RAB11FIP4: variants seen among roughly 807,000 people sequenced by gnomAD.
The protein encoded by RAB11FIP4 is rab11 family-interacting protein 4.
In RAB11FIP4, 23 loss-of-function variants were observed where a neutral mutation model predicts 74.3. The observed-to-expected ratio is 0.31, with a 90% confidence interval of 0.22 to 0.44. RAB11FIP4 has a LOEUF of 0.44. RAB11FIP4 is among the 20% of genes least tolerant of loss of function. The pLI, the probability that RAB11FIP4 is intolerant of heterozygous loss-of-function variation, is 1.00. For synonymous variants in RAB11FIP4, 360 were observed against 359.9 expected, an observed-to-expected ratio of 1.00 and a Z score of 0.00; for missense variants, 630 against 863.9, an observed-to-expected ratio of 0.73 and a Z score of 3.39.
intron 3 of RAB11FIP4, among the ~76,000 whole-genome samples, chr17:31,505,591 A>G (rs1183513743): frequency 4.1e-5 from 3 of 72,766 alleles, no homozygotes; most frequent in African/African-American, 1.6e-4. Context: ...AATAATAATT[A>G]TATATTATAT....
At chr17:31,446,013 TTTTC>T (rs980011649) in intron 3 of RAB11FIP4, among the ~76,000 whole-genome samples, 6 of 151,812 alleles carry the variant, frequency 4.0e-5, no homozygotes, top group South Asian at 2.1e-4. Context: ...TTTTTTTTTC[TTTTC>T]TTTCTTTCTA....
In RAB11FIP4 at chr17:31,533,280, G is replaced by C. The variant is rs1192755945; in HGVS notation, c.*1548G>C. 1.3e-5 allele frequency: 2 copies of C among 152,380 alleles called. No individual in the cohort carries two copies. The highest frequency in any genetic ancestry group is 3.9e-4 in the East Asian group (2 of 5,180). 9.4% of individuals were successfully genotyped at this position (152,380 alleles called of 1,614,324 possible). ...TCAGCCTTTGCATTTGTTGGATCTC[G>C]TGGCTTCTTTTTAATCTTTTGTTGG... On this transcript the variant is annotated 3_prime_UTR_variant, in exon 15 of 15. Transcript: ENST00000621161.
chr17:31,524,847 C>T (rs1021705399), intron 9 of RAB11FIP4: 15 of 587,206 alleles, frequency 2.6e-5, no homozygotes, highest in Non-Finnish European at 4.5e-5. Context: ...GCGGTCCCTC[C>T]CTGTGCTGCC....
chr17:31,466,021 TA>T (rs35196811), intron 3 of RAB11FIP4, among the ~76,000 whole-genome samples: 85,979 of 149,516 alleles, frequency 0.58, 25,544 homozygotes, highest in Non-Finnish European at 0.65. Flanking sequence ...CACGCGCCTG[TA>T]AGTCCCAGCT....
intron 3 of RAB11FIP4, among the ~76,000 whole-genome samples, chr17:31,468,707 G>A (rs946520589): frequency 6.6e-6 from 1 of 152,120 alleles, no homozygotes; most frequent in Non-Finnish European, 1.5e-5. Flanking sequence ...GTGGGCACCT[G>A]TAATCCCAGC....
chr17:31,492,817 C>G (rs958430870), intron 3 of RAB11FIP4, among the ~76,000 whole-genome samples: 1 of 151,860 alleles, frequency 6.6e-6, no homozygotes. Flanking sequence ...AGAGGGGTCC[C>G]GAGCGTCTTG....
At position 31,517,525 on chromosome 17, in the gene RAB11FIP4, G is replaced by A. The variant is rs1327533717; in HGVS notation, c.337-126G>A. ...CCAGGTGTTCCCACGCTTAGGGTTCGGGATCTGGGCCTCCTGTACCCAATC... is the reference window on the plus strand; with the variant it reads ...CCAGGTGTTCCCACGCTTAGGGTTCAGGATCTGGGCCTCCTGTACCCAATC... On this transcript the variant is annotated intron_variant, in intron 3 of 14. Coordinates refer to ENST00000621161, the MANE Select transcript of RAB11FIP4 (RefSeq NM_032932.6). 6 of 842,940 alleles carry A rather than the reference G, an allele frequency of 7.1e-6. No individual in the cohort carries two copies. In the Admixed American group the frequency reaches 9.2e-5, roughly 13 times the overall value. The allele number at this position is 842,940 out of a possible 1,614,324, so 52.2% of individuals were successfully genotyped here.
chr17:31,449,418 T>C (rs2071502814), intron 3 of RAB11FIP4, among the ~76,000 whole-genome samples: 1 of 152,194 alleles, frequency 6.6e-6, no homozygotes, highest in South Asian at 2.1e-4. Flanking sequence ...ATCCTGGCTT[T>C]CTTTCCTTTG....
intron 3 of RAB11FIP4, among the ~76,000 whole-genome samples, chr17:31,491,263 C>G (rs143868264): frequency 6.6e-6 from 1 of 152,224 alleles, no homozygotes; most frequent in Non-Finnish European, 1.5e-5. Context: ...GCACATTTCC[C>G]AGTACAGGGC....
At chr17:31,461,740 C>A (rs1340082872) in intron 3 of RAB11FIP4, among the ~76,000 whole-genome samples, 1 of 148,730 alleles carries the variant, frequency 6.7e-6, no homozygotes, top group African/African-American at 2.5e-5. Flanking sequence ...TTTTTTGAGA[C>A]AAGGTCTTGC....
At chr17:31,424,530 C>G (rs2071228158) in intron 1 of RAB11FIP4, among the ~76,000 whole-genome samples, 1 of 151,822 alleles carries the variant, frequency 6.6e-6, no homozygotes, top group Admixed American at 6.6e-5. Context: ...CTGCCTCAGC[C>G]TCCCCAGTAG....
intron 3 of RAB11FIP4, among the ~76,000 whole-genome samples, chr17:31,457,477 A>G (rs1377445806): frequency 6.6e-6 from 1 of 151,932 alleles, no homozygotes; most frequent in East Asian, 1.9e-4. Flanking sequence ...GGGAAGCACT[A>G]TCCATTCCCT....
At chr17:31,443,596 C>T (rs1173599562) in intron 3 of RAB11FIP4, among the ~76,000 whole-genome samples, 2 of 149,068 alleles carry the variant, frequency 1.3e-5, no homozygotes, top group South Asian at 2.2e-4. Context: ...TGCTTACGCA[C>T]GCAGTCCCCT....
chr17:31,446,719 G>A (rs1217289781), intron 3 of RAB11FIP4, among the ~76,000 whole-genome samples: 1 of 152,146 alleles, frequency 6.6e-6, no homozygotes, highest in African/African-American at 2.4e-5. Context: ...AGATACACTG[G>A]ACGGTGCTTC....
chr17:31,472,705 A>C (rs1453633723), intron 3 of RAB11FIP4, among the ~76,000 whole-genome samples: 1 of 152,150 alleles, frequency 6.6e-6, no homozygotes, highest in African/African-American at 2.4e-5. Flanking sequence ...AGAGGGCCTC[A>C]TGCAGGAGGT....
At chr17:31,471,400 T>C (rs1451941030) in intron 3 of RAB11FIP4, among the ~76,000 whole-genome samples, 1 of 152,036 alleles carries the variant, frequency 6.6e-6, no homozygotes, top group Admixed American at 6.6e-5. Context: ...AGGATTATAA[T>C]ATTTGGTCAC....
At chr17:31,501,238 T>A (rs2072214889) in intron 3 of RAB11FIP4, among the ~76,000 whole-genome samples, 1 of 151,542 alleles carries the variant, frequency 6.6e-6, no homozygotes, top group Admixed American at 6.6e-5. Context: ...CTGAGTCTCT[T>A]GAGTAGGTTC....
rs2072977351 is a variant in RAB11FIP4, at chr17:31,537,064, G to C, written c.*5332G>C. 7.5e-6 allele frequency: 3 copies of C among 399,290 alleles called. No individual in the cohort carries two copies. The highest frequency in any genetic ancestry group is 2.1e-5 in the African/African-American group (1 of 48,654). 24.7% of individuals were successfully genotyped at this position (399,290 alleles called of 1,614,324 possible). On this transcript the variant is annotated 3_prime_UTR_variant, in exon 15 of 15. Transcript: ENST00000621161. ...TGTCCCCAGGGTGACCCTGCCTCCTGCTGGGGCCCATCCGCTTTGCTGTGC... is the reference window on the plus strand; with the variant it reads ...TGTCCCCAGGGTGACCCTGCCTCCTCCTGGGGCCCATCCGCTTTGCTGTGC...
intron 3 of RAB11FIP4, among the ~76,000 whole-genome samples, chr17:31,473,513 C>T (rs12601772): frequency 0.12 from 18,243 of 152,188 alleles, 1,421 homozygotes; most frequent in East Asian, 0.28. Context: ...TGCGCTTCAG[C>T]CTGGGCGACA....
Sources: allele counts gnomAD v4.1 joint callset (sites outside exome capture counted in the v4.1 genomes callset), GRCh38; gene constraint gnomAD v4.1.1; transcripts MANE v1.5; gene names NCBI Gene and HGNC (gene_info 2026-07-23, HGNC 2026-07-21).